Variants in MCTP1 observed in about 807,000 individuals in gnomAD.
MCTP1 encodes multiple C2 and transmembrane domain-containing protein 1.
A neutral mutation model predicts 120.6 loss-of-function variants in MCTP1; 69 were observed. The ratio of observed to expected loss-of-function variants is 0.57; its 90% confidence interval spans 0.47 to 0.70. MCTP1 has a LOEUF of 0.70. MCTP1 is among the 30% of genes least tolerant of loss of function. The pLI is 0.00. For missense variants in MCTP1, 1,203 were observed against 1,248.8 expected, an observed-to-expected ratio of 0.96 and a Z score of 0.55; for synonymous variants, 529 against 493.1, an observed-to-expected ratio of 1.07 and a Z score of -0.96.
chr5:94,919,350 AT>A (rs1810959808), intron 7 of MCTP1, among the ~76,000 whole-genome samples: 1 of 152,110 alleles, frequency 6.6e-6, no homozygotes, highest in Non-Finnish European at 1.5e-5. Context: ...GAGATATTTT[AT>A]TTTTCTCGTT....
chr5:95,274,346 C>T (rs1196977099), intron 1 of MCTP1, among the ~76,000 whole-genome samples: 1 of 152,186 alleles, frequency 6.6e-6, no homozygotes, highest in Non-Finnish European at 1.5e-5. Flanking sequence ...CTACAGACCT[C>T]CCTGCATCCA....
chr5:95,184,118 G>A (rs1040552550), intron 1 of MCTP1, among the ~76,000 whole-genome samples: 7 of 151,994 alleles, frequency 4.6e-5, no homozygotes, highest in African/African-American at 1.7e-4. Flanking sequence ...TAACAAACCT[G>A]TACGTTCTGC....
Position 94,714,838 on chromosome 5 carries a change from C to T in MCTP1, c.2659G>A (p.Val887Ile). ...AGGATGTTCTGGACACTGACACATACCTCCTGGATGGCATAGATTTTATTT... is the reference window on the plus strand; with the variant it reads ...AGGATGTTCTGGACACTGACACATATCTCCTGGATGGCATAGATTTTATTT... ...FINKIYAIQEVCVSVQNILDE... is the reference protein window; with the variant it reads ...FINKIYAIQEICVSVQNILDE... Residue 887 changes from valine to isoleucine, a missense_variant, in exon 20 of 23, where the codon GTA becomes ATA. By Grantham distance (29) the Val-to-Ile change is conservative. Around this residue, in one of 2 missense-constraint regions of MCTP1, gnomAD observed 740 missense variants for 871.1 expected, o/e 0.85. Transcript: ENST00000515393. 1 of 1,612,984 alleles carries T rather than the reference C, an allele frequency of 6.2e-7. No homozygotes were observed. The highest frequency in any genetic ancestry group is 8.5e-7 in the Non-Finnish European group (1 of 1,179,108).
intron 2 of MCTP1, among the ~76,000 whole-genome samples, chr5:95,013,502 G>A (rs1360036028): frequency 6.6e-6 from 1 of 152,084 alleles, no homozygotes; most frequent in Admixed American, 6.6e-5. Flanking sequence ...TGCAGCTGGT[G>A]ACCTTAAGTT....
rs370162423 is a variant in MCTP1, at chr5:95,191,320, T to C, written c.720+92536A>G. ...TTTGTACCCATTTGTATTTAGACAG[T>C]TTAAGCAGAATAAATTTTTTAAAAA... On this transcript the variant is annotated intron_variant, in intron 1 of 22. Transcript: ENST00000515393. Among the ~76,000 whole-genome samples the C allele has an allele frequency of 2.9e-4, 44 of 152,142 alleles. 1 individual carries two copies. The South Asian group carries it at 8.5e-3, about 29-fold the overall frequency.
intron 17 of MCTP1, chr5:94,826,350 T>G (rs1488176161): frequency 1.1e-5 from 6 of 562,498 alleles, no homozygotes; most frequent in Middle Eastern, 5.2e-4. Flanking sequence ...CACTGAGGAT[T>G]TGATGAAGGC....
chr5:94,821,665 A>G (rs1785683044), intron 17 of MCTP1, among the ~76,000 whole-genome samples: 2 of 152,190 alleles, frequency 1.3e-5, no homozygotes. Context: ...ATTATACTAT[A>G]CAGTTGTCCC....
At chr5:94,830,046 C>T (rs896965882) in intron 17 of MCTP1, among the ~76,000 whole-genome samples, 4 of 152,180 alleles carry the variant, frequency 2.6e-5, no homozygotes, top group Non-Finnish European at 5.9e-5. Flanking sequence ...AGGCAGCATT[C>T]GGGATGTTTC....
intron 17 of MCTP1, among the ~76,000 whole-genome samples, chr5:94,865,942 T>C (rs1357105728): frequency 6.6e-6 from 1 of 151,888 alleles, no homozygotes; most frequent in Non-Finnish European, 1.5e-5. Flanking sequence ...TAACAAATAT[T>C]AGTGGTTGTT....
At chr5:94,791,427 C>T (rs1004984422) in intron 18 of MCTP1, among the ~76,000 whole-genome samples, 5 of 150,742 alleles carry the variant, frequency 3.3e-5, no homozygotes, top group East Asian at 3.9e-4. Context: ...TCTAGGAGTT[C>T]GAGGCTGCAG....
At chr5:94,862,998 T>C (rs1468672322) in intron 17 of MCTP1, among the ~76,000 whole-genome samples, 1 of 151,834 alleles carries the variant, frequency 6.6e-6, no homozygotes, top group Admixed American at 6.6e-5. Context: ...TGAAATTTTA[T>C]ATAGGTTTTC....
At chr5:94,836,755 C>T (rs2153185505) in intron 17 of MCTP1, among the ~76,000 whole-genome samples, 1 of 152,294 alleles carries the variant, frequency 6.6e-6, no homozygotes, top group Non-Finnish European at 1.5e-5. Flanking sequence ...TTTACAACAT[C>T]TTCGCTTTTC....
intron 2 of MCTP1, among the ~76,000 whole-genome samples, chr5:94,977,482 A>C (rs906840581): frequency 2.0e-5 from 3 of 152,232 alleles, no homozygotes; most frequent in Middle Eastern, 6.8e-3. Context: ...CCTAAAATTC[A>C]TATGGAACCA....
chr5:95,044,415 C>A (rs1204122659), intron 1 of MCTP1, among the ~76,000 whole-genome samples: 1 of 152,172 alleles, frequency 6.6e-6, no homozygotes, highest in Non-Finnish European at 1.5e-5. Flanking sequence ...TTGCCCATTT[C>A]CCACGATGTG....
At chr5:95,182,408 C>A (rs1748703426) in intron 1 of MCTP1, among the ~76,000 whole-genome samples, 1 of 152,162 alleles carries the variant, frequency 6.6e-6, no homozygotes, top group South Asian at 2.1e-4. Context: ...TCAAACTACT[C>A]CTGACACTTT....
At chr5:94,907,625 C>T (rs933695705) in intron 10 of MCTP1, among the ~76,000 whole-genome samples, 1 of 152,012 alleles carries the variant, frequency 6.6e-6, no homozygotes, top group East Asian at 1.9e-4. Context: ...TAGTTAGGTC[C>T]ACCTTTCTGT....
chr5:95,186,600 C>T (rs1749236357), intron 1 of MCTP1, among the ~76,000 whole-genome samples: 1 of 152,122 alleles, frequency 6.6e-6, no homozygotes, highest in Non-Finnish European at 1.5e-5. Context: ...CCCAAGTTGA[C>T]ATATGAGTTT....
intron 6 of MCTP1, among the ~76,000 whole-genome samples, chr5:94,927,255 T>A (rs1342037143): frequency 6.6e-6 from 1 of 152,158 alleles, no homozygotes; most frequent in South Asian, 2.1e-4. Context: ...TCAAAATATA[T>A]TCTTTGATAA....
At chr5:94,826,439 G>T (rs950517396) in intron 17 of MCTP1, 140 of 671,934 alleles carry the variant, frequency 2.1e-4, no homozygotes, top group Non-Finnish European at 3.1e-4. Context: ...GCCAATTTGG[G>T]TTCTTCAGGA....
Sources: allele counts gnomAD v4.1 joint callset (sites outside exome capture counted in the v4.1 genomes callset), GRCh38; gene constraint gnomAD v4.1.1; regional missense constraint gnomAD v4.1.1; transcripts MANE v1.5; gene names NCBI Gene and HGNC (gene_info 2026-07-23, HGNC 2026-07-21).